The following ZNF804B variants were observed in gnomAD, a reference collection of about 807,000 sequenced individuals.
The protein encoded by ZNF804B is zinc finger 804B.
ZNF804B carries 80 observed loss-of-function variants against 101.4 expected under a neutral mutation model. That is an observed-to-expected ratio of 0.79 (90% CI 0.66 to 0.95). The LOEUF (loss-of-function observed/expected upper bound fraction) is 0.95, where lower values mean the gene tolerates loss of function less well. Among genes scored for constraint, ZNF804B ranks in the 40% least tolerant of loss-of-function variants. The pLI is 0.00. For missense variants in ZNF804B, 1,673 were observed against 1,561.9 expected (o/e 1.07, Z -1.20); for synonymous variants, 622 against 558.8 (o/e 1.11, Z -1.59).
Position 89,336,048 on chromosome 7 carries a change from T to G in ZNF804B, c.3066T>G (p.Cys1022Trp). 1 of 1,613,990 alleles carries G rather than the reference T, an allele frequency of 6.2e-7. No homozygotes were observed. The highest frequency in any genetic ancestry group is 8.5e-7 in the Non-Finnish European group (1 of 1,179,992). ...NNFTILADTD[C>W]DNHLSKGIIH... Reference sequence around the variant, plus strand: ...TTACAATTTTAGCAGACACTGATTGTGATAACCATCTTTCTAAAGGTATAA... The same window carrying G: ...TTACAATTTTAGCAGACACTGATTGGGATAACCATCTTTCTAAAGGTATAA... The change falls in exon 4 of 4, where the codon TGT (cysteine) becomes TGG (tryptophan). Residue 1022 changes from cysteine to tryptophan, a missense_variant. Coordinates refer to ENST00000333190, the MANE Select transcript of ZNF804B (RefSeq NM_181646.5).
chr7:88,905,382 G>C (rs1348949962), intron 1 of ZNF804B, among the ~76,000 whole-genome samples: 2 of 151,452 alleles, frequency 1.3e-5, no homozygotes, highest in Non-Finnish European at 2.9e-5. Flanking sequence ...TTTTTAGATG[G>C]AGTCTCACTC....
Position 88,760,006 on chromosome 7 carries a change from A to G in ZNF804B, c.30A>G (p.Arg10=), listed in dbSNP as rs1199289443. ...CTTGTTACCTGGTCATCAGTTCGAG[A>G]CATCTCAGCAATGGGCACTACCGGG... is the stretch of plus-strand genomic sequence containing the variant. MACYLVISS[R]HLSNGHYRGI... is the part of the protein sequence containing the mutation. The change falls in exon 1 of 4, where the codon AGA becomes AGG. Residue 10 remains arginine, a synonymous_variant. Transcript: ENST00000333190. 6.2e-7 allele frequency: 1 copy of G among 1,613,998 alleles called. No homozygotes were observed. Among genetic ancestry groups the G allele is most frequent in the Non-Finnish European group, 8.5e-7 (1 of 1,180,010 alleles).
intron 1 of ZNF804B, among the ~76,000 whole-genome samples, chr7:88,811,791 G>T (rs1348397300): frequency 6.6e-6 from 1 of 152,090 alleles, no homozygotes; most frequent in Non-Finnish European, 1.5e-5. Flanking sequence ...ATAGACATAG[G>T]AAGGGGAATA....
intron 1 of ZNF804B, among the ~76,000 whole-genome samples, chr7:88,874,234 T>C (rs1051046796): frequency 7.2e-5 from 11 of 152,192 alleles, no homozygotes; most frequent in Admixed American, 5.9e-4. Context: ...TTGAAGCAAT[T>C]GTGAATGGGA....
chr7:89,233,566 C>T (rs1292459429), intron 2 of ZNF804B, among the ~76,000 whole-genome samples: 1 of 151,996 alleles, frequency 6.6e-6, no homozygotes, highest in African/African-American at 2.4e-5. Flanking sequence ...AATAAGCCTA[C>T]CTCAATGTGG....
chr7:89,265,284 G>GC (rs1184829358), intron 2 of ZNF804B, among the ~76,000 whole-genome samples: 3 of 101,026 alleles, frequency 3.0e-5, no homozygotes, highest in African/African-American at 1.1e-4. Flanking sequence ...GTGTGTGTGT[G>GC]TGTGTGTGTG....
At chr7:89,157,179 A>C (rs1790991879) in intron 1 of ZNF804B, among the ~76,000 whole-genome samples, 1 of 152,206 alleles carries the variant, frequency 6.6e-6, no homozygotes, top group Admixed American at 6.5e-5. Context: ...TATGGGATAC[A>C]TTTAGGTTGG....
intron 2 of ZNF804B, among the ~76,000 whole-genome samples, chr7:89,265,126 T>C (rs140635745): frequency 1.3e-5 from 2 of 152,298 alleles, no homozygotes; most frequent in East Asian, 3.9e-4. Context: ...TTGAGAAAGA[T>C]AGTGTGATCA....
chr7:89,096,550 A>G (rs1225963131), intron 1 of ZNF804B, among the ~76,000 whole-genome samples: 1 of 152,144 alleles, frequency 6.6e-6, no homozygotes. Context: ...GAGAGATCAT[A>G]TATTTGCAGT....
chr7:89,291,277 A>G (rs989811339), intron 2 of ZNF804B, among the ~76,000 whole-genome samples: 2 of 142,908 alleles, frequency 1.4e-5, no homozygotes, highest in Non-Finnish European at 3.1e-5. Context: ...ACCTCACCAA[A>G]CAAACTAAAT....
Position 88,759,826 on chromosome 7 carries a change from C to T in ZNF804B, c.-151C>T, listed in dbSNP as rs950033273. The T allele has an allele frequency of 3.7e-5, 24 of 642,746 alleles. No homozygotes were observed. Among genetic ancestry groups the T allele is most frequent in the Non-Finnish European group, 5.5e-5 (20 of 362,896 alleles). The allele number at this position is 642,746 out of a possible 1,614,324, so 39.8% of individuals were successfully genotyped here. On this transcript the variant is annotated 5_prime_UTR_variant, in exon 1 of 4. Coordinates refer to ENST00000333190, the MANE Select transcript of ZNF804B (RefSeq NM_181646.5). Reference sequence around the variant, plus strand: ...CAGGAGCCCCGCACGGGGCGCGGAGCAGGGACGCGCTGCCACCGCCTCCCC... The same window carrying T: ...CAGGAGCCCCGCACGGGGCGCGGAGTAGGGACGCGCTGCCACCGCCTCCCC...
At position 89,061,927 on chromosome 7, in the gene ZNF804B, T is replaced by C. The variant is rs146676221; in HGVS notation, c.109-156228T>C. Among the ~76,000 whole-genome samples the C allele has an allele frequency of 2.0e-5, 3 of 152,096 alleles. No homozygotes were observed. In the East Asian group the frequency reaches 5.8e-4, roughly 29 times the overall value. ...CTTCTGTATACTATATGTATACTCTTGGCCAAGTCAGTTATCTTGGTTTCC... is the reference window on the plus strand; with the variant it reads ...CTTCTGTATACTATATGTATACTCTCGGCCAAGTCAGTTATCTTGGTTTCC... On this transcript the variant is annotated intron_variant, in intron 1 of 3. Transcript: ENST00000333190.
In ZNF804B at chr7:88,776,460, T is replaced by G. The variant is rs142115939; in HGVS notation, c.108+16376T>G. On this transcript the variant is annotated intron_variant, in intron 1 of 3. Coordinates refer to ENST00000333190, the MANE Select transcript of ZNF804B (RefSeq NM_181646.5). ...CAGCCCTGTGTTTTCACAACTCTCA[T>G]AATAAAAAAATGTTCAGTGTGTGCC... Among the ~76,000 whole-genome samples, 292 of 151,804 alleles carry G rather than the reference T, an allele frequency of 1.9e-3. 1 individual carries two copies. The highest frequency in any genetic ancestry group is 6.8e-3 in the African/African-American group (281 of 41,432).
At chr7:88,817,069 C>G (rs1254842818) in intron 1 of ZNF804B, among the ~76,000 whole-genome samples, 3 of 152,026 alleles carry the variant, frequency 2.0e-5, no homozygotes, top group Admixed American at 2.0e-4. Flanking sequence ...ATGATGAGTT[C>G]ATGTCCTTTG....
At chr7:89,137,326 A>G (rs1237118090) in intron 1 of ZNF804B, among the ~76,000 whole-genome samples, 41 of 152,092 alleles carry the variant, frequency 2.7e-4, no homozygotes, top group Non-Finnish European at 1.0e-4. Flanking sequence ...AAAGTATTAC[A>G]TATCTCTGAA....
chr7:89,089,145 G>T, intron 1 of ZNF804B, among the ~76,000 whole-genome samples: 1 of 147,548 alleles, frequency 6.8e-6, no homozygotes, highest in African/African-American at 2.5e-5. Context: ...AAGATTACAT[G>T]CAGTTCCCTT....
At chr7:89,032,412 T>C (rs931975446) in intron 1 of ZNF804B, among the ~76,000 whole-genome samples, 6 of 152,106 alleles carry the variant, frequency 3.9e-5, no homozygotes, top group African/African-American at 1.4e-4. Flanking sequence ...AAAGTAAATG[T>C]TACATGTCAG....
intron 2 of ZNF804B, among the ~76,000 whole-genome samples, chr7:89,323,080 C>CAAGAG (rs1562945519): frequency 6.6e-6 from 1 of 152,156 alleles, no homozygotes; most frequent in Admixed American, 6.6e-5. Flanking sequence ...ACAAATAAGA[C>CAAGAG]AAGAGAGCTT....
chr7:89,014,471 G>T (rs181400242), intron 1 of ZNF804B, among the ~76,000 whole-genome samples: 1 of 151,846 alleles, frequency 6.6e-6, no homozygotes, highest in African/African-American at 2.4e-5. Context: ...CGCCCGCTGC[G>T]ACGCCTGGCT....
Sources: allele counts gnomAD v4.1 joint callset (sites outside exome capture counted in the v4.1 genomes callset), GRCh38; gene constraint gnomAD v4.1.1; transcripts MANE v1.5; gene names NCBI Gene and HGNC (gene_info 2026-07-23, HGNC 2026-07-21).